Variants in LIMA1 observed in about 807,000 individuals in gnomAD.
LIMA1 encodes LIM domain and actin binding 1, also known as LIM domain and actin-binding protein 1.
In LIMA1, 52 loss-of-function variants were observed where a neutral mutation model predicts 62.6. The ratio of observed to expected loss-of-function variants is 0.83; its 90% CI spans 0.67 to 1.05. LIMA1 has a LOEUF of 1.05. Among genes scored for constraint, LIMA1 ranks in the 50% least tolerant of loss-of-function variants. LIMA1 has a pLI of 0.00. For missense variants in LIMA1, 780 were observed against 902.2 expected (o/e 0.86, Z 1.74); for synonymous variants, 302 against 317.8 (o/e 0.95, Z 0.53).
At chr12:50,225,712 C>T (rs759176429) in intron 3 of LIMA1, among the ~76,000 whole-genome samples, 10 of 152,080 alleles carry the variant, frequency 6.6e-5, no homozygotes, top group African/African-American at 1.2e-4. Context: ...ACTACCATGC[C>T]GGCTAATTTT....
intron 2 of LIMA1, among the ~76,000 whole-genome samples, chr12:50,235,419 C>G (rs1020428583): frequency 5.3e-5 from 8 of 151,836 alleles, no homozygotes; most frequent in African/African-American, 1.9e-4. Context: ...GTGTGCACCG[C>G]TATGCCCGGC....
In LIMA1 at chr12:50,250,057, C is replaced by T. The variant is rs138166439; in HGVS notation, c.-23-1283G>A. 6.1e-4 allele frequency among the ~76,000 whole-genome samples: 93 copies of T among 151,436 alleles called. 1 individual carries two copies. Among genetic ancestry groups the T allele is most frequent in the African/African-American group, 2.0e-3 (82 of 41,262 alleles). ...CTGTAATCTCAACACTTTGGGAGGC[C>T]GAGGTGGGTGGATCACTTGAGGTCT... On this transcript the variant is annotated intron_variant, in intron 1 of 10. Coordinates refer to ENST00000341247, the MANE Select transcript of LIMA1 (RefSeq NM_016357.5).
intron 6 of LIMA1, among the ~76,000 whole-genome samples, chr12:50,203,476 C>T (rs1376516728): frequency 2.6e-5 from 4 of 150,960 alleles, no homozygotes; most frequent in Non-Finnish European, 1.5e-5. Context: ...TGTAGTGGCG[C>T]AATCTTGCCT....
At chr12:50,245,075 G>A (rs1941829149) in intron 2 of LIMA1, among the ~76,000 whole-genome samples, 1 of 152,146 alleles carries the variant, frequency 6.6e-6, no homozygotes, top group African/African-American at 2.4e-5. Flanking sequence ...GGAGGCAGAG[G>A]CATGGGAGAC....
At chr12:50,185,323 G>C (rs2138398248) in intron 9 of LIMA1, 1 of 455,316 alleles carries the variant, frequency 2.2e-6, no homozygotes, top group East Asian at 6.9e-5. Flanking sequence ...CACACTGTGG[G>C]AGGGGGAAGC....
At chr12:50,184,700 G>T (rs761574173) in intron 9 of LIMA1, among the ~76,000 whole-genome samples, 5 of 152,164 alleles carry the variant, frequency 3.3e-5, no homozygotes, top group Non-Finnish European at 7.4e-5. Flanking sequence ...TGGTGTAATA[G>T]TATAATGGAT....
chr12:50,238,219 T>C (rs889833669), intron 2 of LIMA1, among the ~76,000 whole-genome samples: 7 of 152,088 alleles, frequency 4.6e-5, no homozygotes, highest in African/African-American at 1.7e-4. Flanking sequence ...TTAAAAACTT[T>C]TCTGAGGCTT....
chr12:50,256,833 CATG>C (rs1267883984), intron 1 of LIMA1, among the ~76,000 whole-genome samples: 3 of 152,224 alleles, frequency 2.0e-5, no homozygotes, highest in Non-Finnish European at 2.9e-5. Flanking sequence ...TTTTAAAAAA[CATG>C]ATATTTTCTC....
chr12:50,185,593 C>T, intron 9 of LIMA1: 1 of 412,628 alleles, frequency 2.4e-6, no homozygotes, highest in Non-Finnish European at 4.9e-6. Context: ...AGTAACTCTG[C>T]TAATCATGGC....
At chr12:50,238,194 T>C (rs1941723296) in intron 2 of LIMA1, among the ~76,000 whole-genome samples, 1 of 152,120 alleles carries the variant, frequency 6.6e-6, no homozygotes, top group South Asian at 2.1e-4. Context: ...AAAAACAAAC[T>C]AGACTTCAGT....
intron 2 of LIMA1, among the ~76,000 whole-genome samples, chr12:50,246,994 G>A (rs1374364103): frequency 6.6e-6 from 1 of 152,118 alleles, no homozygotes; most frequent in East Asian, 1.9e-4. Context: ...GTCCAGGCCA[G>A]GCACAGTGGT....
intron 1 of LIMA1, among the ~76,000 whole-genome samples, chr12:50,281,905 A>C (rs1057409126): frequency 6.6e-6 from 1 of 152,150 alleles, no homozygotes; most frequent in South Asian, 2.1e-4. Flanking sequence ...TAATACCATA[A>C]ATTGTATGTG....
intron 4 of LIMA1, among the ~76,000 whole-genome samples, chr12:50,221,126 G>C (rs891586420): frequency 3.3e-5 from 5 of 151,838 alleles, no homozygotes; most frequent in African/African-American, 1.2e-4. Flanking sequence ...TAGGGACTTG[G>C]GCCAAATATT....
At chr12:50,241,632 C>T (rs1251989124) in intron 2 of LIMA1, among the ~76,000 whole-genome samples, 2 of 152,112 alleles carry the variant, frequency 1.3e-5, no homozygotes, top group Non-Finnish European at 2.9e-5. Flanking sequence ...TAATGAAGTT[C>T]CTGCTAAATA....
chr12:50,259,344 G>A (rs1039665478), intron 1 of LIMA1, among the ~76,000 whole-genome samples: 6 of 152,022 alleles, frequency 3.9e-5, no homozygotes, highest in African/African-American at 1.5e-4. Context: ...TTTGAAGTCA[G>A]AAGACAGATC....
chr12:50,257,813 T>C (rs548063821), intron 1 of LIMA1, among the ~76,000 whole-genome samples: 21 of 152,344 alleles, frequency 1.4e-4, no homozygotes, highest in African/African-American at 3.1e-4. Context: ...GTAGTAACCT[T>C]GGCAGTATGC....
intron 1 of LIMA1, among the ~76,000 whole-genome samples, chr12:50,276,022 C>G (rs1942272093): frequency 6.6e-6 from 1 of 152,002 alleles, no homozygotes; most frequent in Non-Finnish European, 1.5e-5. Flanking sequence ...TTAACCACTG[C>G]CAGGTAATTC....
intron 1 of LIMA1, among the ~76,000 whole-genome samples, chr12:50,271,342 CT>C (rs942916491): frequency 8.2e-4 from 122 of 149,658 alleles, no homozygotes; most frequent in East Asian, 3.9e-3. Context: ...CTTTCCTAAT[CT>C]TTTTTTTTTC....
chr12:50,268,183 G>A (rs1044726339), intron 1 of LIMA1, among the ~76,000 whole-genome samples: 20 of 152,064 alleles, frequency 1.3e-4, no homozygotes, highest in African/African-American at 3.1e-4. Context: ...TCGTTTCTGC[G>A]GGGTTCCCTT....
Sources: allele counts gnomAD v4.1 joint callset (sites outside exome capture counted in the v4.1 genomes callset), GRCh38; gene constraint gnomAD v4.1.1; transcripts MANE v1.5; gene names NCBI Gene and HGNC (gene_info 2026-07-23, HGNC 2026-07-21).